The following PRDM8 variants were observed in gnomAD, a reference collection of about 807,000 sequenced individuals.
The protein encoded by PRDM8 is PR domain zinc finger protein 8.
Under a neutral mutation model 46.5 loss-of-function variants are expected in PRDM8, and 13 were observed. The ratio of observed to expected loss-of-function variants is 0.28; its 90% CI spans 0.18 to 0.44. PRDM8 has a LOEUF of 0.44. PRDM8 is among the 20% of genes least tolerant of loss of function. The pLI is 1.00. For synonymous variants in PRDM8, 473 were observed against 438.4 expected, an observed-to-expected ratio of 1.08 and a Z score of -0.98; for missense variants, 998 against 955.0, an observed-to-expected ratio of 1.04 and a Z score of -0.59.
chr4:80,196,566 C>A (rs956096303), upstream of PRDM8: 7 of 985,332 alleles, frequency 7.1e-6, no homozygotes, highest in Admixed American at 3.1e-4. Context: ...CCTCCACCAC[C>A]CGCTGGATGT....
intron 2 of PRDM8, among the ~76,000 whole-genome samples, chr4:80,192,296 C>T (rs1737611854): frequency 6.6e-6 from 1 of 152,166 alleles, no homozygotes; most frequent in African/African-American, 2.4e-5. Context: ...TTATTTAACT[C>T]AGGAATTACA....
At chr4:80,193,048 G>A (rs1737670008), upstream of PRDM8, among the ~76,000 whole-genome samples, 1 of 152,214 alleles carries the variant, frequency 6.6e-6, no homozygotes, top group Admixed American at 6.5e-5. Flanking sequence ...AATGATAATG[G>A]TGGTAGTAGT....
In PRDM8 at chr4:80,202,425, G is replaced by A. The variant is rs1382032900; in HGVS notation, c.963G>A (p.Ala321=). ...AGAGGAAATTCCCGGAGGAGGCGGC[G>A]GAGGGCGGCGGTGGCGCTGGTCTGG... is the stretch of plus-strand genomic sequence containing the variant. The part of the protein sequence containing the change: ...KGKRKFPEEA[A]EGGGGAGLVG... The change falls in exon 4 of 4, where the codon GCG becomes GCA. Residue 321 remains alanine (A), a synonymous_variant. Transcript: ENST00000415738. 6.5e-6 allele frequency: 10 copies of A among 1,549,798 alleles called. No homozygotes were observed. Among genetic ancestry groups the A allele is most frequent in the Admixed American group, 2.0e-5 (1 of 50,778 alleles).
At chr4:80,193,423 A>G (rs943587482), upstream of PRDM8, among the ~76,000 whole-genome samples, 1 of 151,786 alleles carries the variant, frequency 6.6e-6, no homozygotes, top group Admixed American at 6.6e-5. Context: ...AAACAAACAA[A>G]CCCCTCTGGG....
chr4:80,201,377 C>T lies in PRDM8; in HGVS notation c.307C>T (p.Leu103Phe). 4 of 1,614,220 alleles carry T rather than the reference C, an allele frequency of 2.5e-6. No homozygotes were observed. The highest frequency in any genetic ancestry group is 2.5e-6 in the Non-Finnish European group (3 of 1,180,042). The stretch of plus-strand genomic sequence containing the variant: ...GGCCAGAGATAAGGAAGAGCAGAAC[C>T]TTGAAGCCTACATAAAAAACGGACA... ...QSARDKEEQNLEAYIKNGQLF... is the reference protein window; with the variant it reads ...QSARDKEEQNFEAYIKNGQLF... The change falls in exon 3 of 4, where the codon CTT becomes TTT. Residue 103 changes from leucine to phenylalanine, a missense_variant. Physicochemically the swap from Leu to Phe is conservative, Grantham distance 22. Transcript: ENST00000415738.
rs920460933 is a variant in PRDM8, at chr4:80,202,320, T to C, written c.858T>C (p.Gly286=). 2.4e-5 allele frequency: 38 copies of C among 1,577,068 alleles called. No individual in the cohort carries two copies. The Admixed American group carries it at 5.2e-4, about 21-fold the overall frequency. ...SCSPAQSLSS[G]SGSGGGGGHQ... ...CCCCAGCCCAGAGCCTCAGCAGCGG[T>C]AGCGGCAGCGGCGGCGGCGGCGGCC... The change falls in exon 4 of 4, where the codon GGT becomes GGC. Residue 286 remains glycine (G), a synonymous_variant. Transcript: ENST00000415738.
At position 80,200,171 on chromosome 4, in the gene PRDM8, ACC is replaced by A. The variant is rs1396087620; in HGVS notation, c.92_93del (p.Thr31AsnfsTer6). The A allele has an allele frequency of 1.2e-6, 2 of 1,614,132 alleles. No homozygotes were observed. Among genetic ancestry groups the A allele is most frequent in the South Asian group, 2.2e-5 (2 of 91,084 alleles). ...GACAGATATTTTTACCAGCGTTTAC[ACC>A]ACCTGCGACATCCCTGAGAATGCTA... ...CLTDIFTSVY[T>X]TCDIPENAIF... On this transcript the variant is annotated frameshift_variant, in exon 2 of 4. Transcript: ENST00000415738. LOFTEE classifies it high-confidence loss of function.
upstream of PRDM8, among the ~76,000 whole-genome samples, chr4:80,193,763 G>T (rs907101035): frequency 1.3e-5 from 2 of 152,094 alleles, no homozygotes; most frequent in African/African-American, 2.4e-5. Flanking sequence ...TGCTCCATTG[G>T]CATCCTCTTA....
Position 80,202,455 on chromosome 4 carries a change from G to C in PRDM8, c.993G>C (p.Gly331=). 3 of 1,544,092 alleles carry C rather than the reference G, an allele frequency of 1.9e-6. No individual in the cohort carries two copies. In the South Asian group the frequency reaches 3.6e-5, roughly 18 times the overall value. ...AEGGGGAGLV[G]GRGRFVERPL... ...GCGGCGGTGGCGCTGGTCTGGTAGG[G>C]GGCCGGGGCCGCTTCGTAGAGCGGC... The change falls in exon 4 of 4, where the codon GGG becomes GGC. Residue 331 remains glycine, a synonymous_variant. Coordinates refer to ENST00000415738, the MANE Select transcript of PRDM8 (RefSeq NM_001099403.2).
At position 80,203,523 on chromosome 4, in the gene PRDM8, G is replaced by A. The variant is rs530807635; in HGVS notation, c.2061G>A (p.Ser687=). ...ACCACCTCTCCAGGCACATGACCTCGCATAATTGACTCGGAAAGGACCCCA... is the reference window on the plus strand; with the variant it reads ...ACCACCTCTCCAGGCACATGACCTCACATAATTGACTCGGAAAGGACCCCA... ...ERHHLSRHMT[S]HN The change falls in exon 4 of 4, where the codon TCG becomes TCA. Residue 687 remains serine (S), a synonymous_variant. Transcript: ENST00000415738. 6.2e-7 allele frequency: 1 copy of A among 1,608,244 alleles called. No homozygotes were observed. The highest frequency in any genetic ancestry group is 8.5e-7 in the Non-Finnish European group (1 of 1,176,604).
chr4:80,203,570 ACAGTT>A lies in PRDM8; in HGVS notation c.*39_*43del. Reference sequence around the variant, plus strand: ...CCCAGCTTTCCACGCGCGCGCAAGCACAGTTAAGCCACCTGCAGGAATAAACACGC... The same window carrying A: ...CCCAGCTTTCCACGCGCGCGCAAGCAAAGCCACCTGCAGGAATAAACACGC... On this transcript the variant is annotated 3_prime_UTR_variant, in exon 4 of 4. Transcript: ENST00000415738. The A allele has an allele frequency of 6.4e-7, 1 of 1,562,860 alleles. No homozygotes were observed. Among genetic ancestry groups the A allele is most frequent in the Non-Finnish European group, 8.7e-7 (1 of 1,153,374 alleles).
rs1389455985 is a variant in PRDM8, at chr4:80,203,690, C to T, written c.*158C>T. 8.5e-6 allele frequency: 11 copies of T among 1,294,984 alleles called. No individual in the cohort carries two copies. The highest frequency in any genetic ancestry group is 1.6e-5 in the South Asian group (1 of 63,732). The allele number at this position is 1,294,984 out of a possible 1,614,324, so 80.2% of individuals were successfully genotyped here. Reference sequence around the variant, plus strand: ...CCCGCCCCCCCAACGCGCACACACACGTCCTCTCCTCCCAGGAACCTCATT... The same window carrying T: ...CCCGCCCCCCCAACGCGCACACACATGTCCTCTCCTCCCAGGAACCTCATT... On this transcript the variant is annotated 3_prime_UTR_variant, in exon 4 of 4. Coordinates refer to ENST00000415738, the MANE Select transcript of PRDM8 (RefSeq NM_001099403.2).
chr4:80,198,248 CT>C (rs1738120789), intron 1 of PRDM8, among the ~76,000 whole-genome samples: 1 of 152,210 alleles, frequency 6.6e-6, no homozygotes, highest in East Asian at 1.9e-4. Context: ...TAGTGAGGAC[CT>C]TTTTGCCGTA....
At position 80,202,927 on chromosome 4, in the gene PRDM8, G is replaced by T. The variant is rs1310667127; in HGVS notation, c.1465G>T (p.Gly489Cys). 2 of 1,435,592 alleles carry T rather than the reference G, an allele frequency of 1.4e-6. No individual in the cohort carries two copies. The highest frequency in any genetic ancestry group is 1.8e-6 in the Non-Finnish European group (2 of 1,100,990). 88.9% of individuals were successfully genotyped at this position (1,435,592 alleles called of 1,614,324 possible). A position where few individuals can be genotyped will look rare whatever the true frequency, so the allele number is the denominator to read the frequency against. The change falls in exon 4 of 4, where the codon GGC (glycine) becomes TGC (cysteine). Residue 489 changes from glycine (G) to cysteine (C), a missense_variant. Physicochemically the swap from Gly to Cys is radical, Grantham distance 159. Transcript: ENST00000415738. ...CGGGGCCGCAGGCGGCGCGGGCGGG[G>T]GCCAGGGCGCCGCGTCGGACGAGCG... ...GAGAAGGAGG[G>C]QGAASDERKS...
intron 1 of PRDM8, 39 bp from the exon 2 acceptor site, chr4:80,200,036 CAGTA>C (rs1358400862): frequency 6.6e-7 from 1 of 1,520,612 alleles, no homozygotes; most frequent in Non-Finnish European, 9.1e-7. Context: ...GCGTTAAAAG[CAGTA>C]ACATAACTCA....
chr4:80,197,554 TCCC>T lies in PRDM8; in HGVS notation c.-211_-209del. ...AACTCTCTCCGTTTCTCCGTCTCTC[TCCC>T]TCCCTCCCTCCCTCCACCCCCCCAA... On this transcript the variant is annotated 5_prime_UTR_variant, in exon 1 of 4. Transcript: ENST00000415738. 1.2e-6 allele frequency: 1 copy of T among 815,438 alleles called. No homozygotes were observed. Among genetic ancestry groups the T allele is most frequent in the Non-Finnish European group, 1.5e-6 (1 of 674,930 alleles). The allele number at this position is 815,438 out of a possible 1,614,324, so 50.5% of individuals were successfully genotyped here. A position where few individuals can be genotyped will look rare whatever the true frequency, so the allele number is the denominator to read the frequency against.
upstream of PRDM8, among the ~76,000 whole-genome samples, chr4:80,193,795 T>C (rs558332883): frequency 3.6e-4 from 55 of 151,666 alleles, 2 homozygotes; most frequent in East Asian, 9.2e-3. Flanking sequence ...GTGGGTTTTT[T>C]CCCCCCCTTT....
chr4:80,196,493 C>A, upstream of PRDM8: 4 of 985,464 alleles, frequency 4.1e-6, no homozygotes, highest in South Asian at 4.7e-5. Context: ...GGCAAGTCAG[C>A]GCCTCTAAGT....
At position 80,200,310 on chromosome 4, in the gene PRDM8, A is replaced by C; in HGVS notation, c.219+11A>C. On this transcript the variant is annotated intron_variant, in intron 2 of 3. Transcript: ENST00000415738. ...CCGTATATCTTTCGGGTAAGTCTCC[A>C]CTGTAGCTGTGTAGGTGTATGAGGG... 6.3e-7 allele frequency: 1 copy of C among 1,595,388 alleles called. No homozygotes were observed. Among genetic ancestry groups the C allele is most frequent in the Admixed American group, 1.7e-5 (1 of 59,998 alleles).
Sources: gnomAD v4.1 joint callset for allele counts (sites outside exome capture counted in the v4.1 genomes callset) on GRCh38, gnomAD v4.1.1 for gene constraint, MANE v1.5 for transcripts, NCBI Gene and HGNC (gene_info 2026-07-23, HGNC 2026-07-21) for gene names.